Variants in ADAMTS6 observed in about 807,000 individuals in gnomAD.
ADAMTS6 encodes the protein A disintegrin and metalloproteinase with thrombospondin motifs 6.
ADAMTS6 carries 23 observed loss-of-function variants against 144.3 expected under a neutral mutation model. The ratio of observed to expected loss-of-function variants is 0.16; its 90% CI spans 0.11 to 0.23. ADAMTS6 has a LOEUF of 0.23. Ranked by LOEUF, ADAMTS6 falls within the 10% of genes least tolerant of loss-of-function variation. ADAMTS6 has a pLI of 1.00. For missense variants in ADAMTS6, 999 were observed against 1,379.6 expected, an observed-to-expected ratio of 0.72 and a Z score of 4.37; for synonymous variants, 444 against 457.5, an observed-to-expected ratio of 0.97 and a Z score of 0.38.
At chr5:65,371,002 C>A (rs1173222811) in intron 7 of ADAMTS6, among the ~76,000 whole-genome samples, 1 of 152,212 alleles carries the variant, frequency 6.6e-6, no homozygotes, top group Non-Finnish European at 1.5e-5. Context: ...AGGCACCCCC[C>A]AGCAGGGGCA....
intron 7 of ADAMTS6, among the ~76,000 whole-genome samples, chr5:65,425,989 G>A (rs1756485603): frequency 6.6e-6 from 1 of 150,916 alleles, no homozygotes; most frequent in African/African-American, 2.4e-5. Flanking sequence ...CTGACCTCGT[G>A]ATCCGCCCGC....
intron 15 of ADAMTS6, among the ~76,000 whole-genome samples, chr5:65,240,247 G>A (rs944909169): frequency 1.3e-5 from 2 of 152,048 alleles, no homozygotes; most frequent in African/African-American, 4.8e-5. Context: ...TGGGCTTACA[G>A]GTGTCTGCTA....
chr5:65,251,228 T>C (rs1386140142), intron 14 of ADAMTS6: 2 of 152,282 alleles, frequency 1.3e-5, no homozygotes, highest in Non-Finnish European at 2.9e-5. Context: ...CAGAAAATCA[T>C]GTTAGTTTCT....
chr5:65,188,499 T>C (rs1436078310), intron 21 of ADAMTS6, among the ~76,000 whole-genome samples: 4 of 152,200 alleles, frequency 2.6e-5, no homozygotes, highest in East Asian at 3.9e-4. Context: ...AAAATGAGGA[T>C]AACAATGATC....
chr5:65,234,872 G>A (rs1758549896), intron 15 of ADAMTS6, among the ~76,000 whole-genome samples: 1 of 152,142 alleles, frequency 6.6e-6, no homozygotes, highest in South Asian at 2.1e-4. Flanking sequence ...TCTGTCAACA[G>A]ATGAATGGAT....
intron 9 of ADAMTS6, among the ~76,000 whole-genome samples, chr5:65,318,890 T>C (rs185364231): frequency 1.4e-4 from 21 of 152,290 alleles, no homozygotes; most frequent in Admixed American, 1.0e-3. Flanking sequence ...ATAATTGGAT[T>C]ATTTGTAATA....
chr5:65,284,957 T>C (rs1763251417), intron 11 of ADAMTS6, among the ~76,000 whole-genome samples: 1 of 152,210 alleles, frequency 6.6e-6, no homozygotes, highest in African/African-American at 2.4e-5. Context: ...ATAAATTCTA[T>C]ATTTACCTAT....
chr5:65,305,811 T>TGGACACACACAC (rs1743887294), intron 9 of ADAMTS6, among the ~76,000 whole-genome samples: 1 of 151,288 alleles, frequency 6.6e-6, no homozygotes, highest in Admixed American at 6.6e-5. Context: ...TATGCACACA[T>TGGACACACACAC]GGACACACAC....
At chr5:65,238,870 G>A (rs1288558821) in intron 15 of ADAMTS6, among the ~76,000 whole-genome samples, 1 of 152,124 alleles carries the variant, frequency 6.6e-6, no homozygotes, top group Non-Finnish European at 1.5e-5. Flanking sequence ...TCCCTCAATT[G>A]ATCTATAGAT....
intron 7 of ADAMTS6, among the ~76,000 whole-genome samples, chr5:65,419,344 A>G (rs1448108696): frequency 6.6e-6 from 1 of 152,178 alleles, no homozygotes; most frequent in African/African-American, 2.4e-5. Context: ...GGAGCTAAAT[A>G]TTGGGTATTT....
At chr5:65,196,294 T>C (rs1223044935) in intron 21 of ADAMTS6, among the ~76,000 whole-genome samples, 1 of 152,072 alleles carries the variant, frequency 6.6e-6, no homozygotes, top group Non-Finnish European at 1.5e-5. Context: ...CCCAGCACTT[T>C]GGGAGGCCGA....
At chr5:65,295,808 A>G (rs150242959) in intron 10 of ADAMTS6, among the ~76,000 whole-genome samples, 1 of 152,220 alleles carries the variant, frequency 6.6e-6, no homozygotes, top group South Asian at 2.1e-4. Context: ...ACAGTAAATC[A>G]AAGTATATTT....
intron 7 of ADAMTS6, among the ~76,000 whole-genome samples, chr5:65,412,757 C>T (rs112593123): frequency 0.011 from 1,659 of 152,062 alleles, 23 homozygotes; most frequent in African/African-American, 0.038. Flanking sequence ...CAACTAAAAA[C>T]AAAATAAATG....
intron 7 of ADAMTS6, among the ~76,000 whole-genome samples, chr5:65,353,283 A>G (rs1291671370): frequency 6.6e-6 from 1 of 152,000 alleles, no homozygotes; most frequent in Non-Finnish European, 1.5e-5. Flanking sequence ...CAAAAAGGTT[A>G]TTTTCATTCT....
chr5:65,356,669 A>G (rs1040697255), intron 7 of ADAMTS6, among the ~76,000 whole-genome samples: 2 of 151,822 alleles, frequency 1.3e-5, no homozygotes, highest in Non-Finnish European at 2.9e-5. Context: ...CCCTCTGCGT[A>G]TGTCTCTTCA....
chr5:65,351,048 T>G lies in ADAMTS6; in HGVS notation c.1074-16963A>C, dbSNP rs1210882640. 2.0e-5 allele frequency among the ~76,000 whole-genome samples: 3 copies of G among 152,248 alleles called. No homozygotes were observed. In the South Asian group the frequency reaches 6.2e-4, roughly 31 times the overall value. On this transcript the variant is annotated intron_variant, in intron 7 of 24. Coordinates refer to ENST00000381055, the MANE Select transcript of ADAMTS6 (RefSeq NM_197941.4). Reference sequence around the variant, plus strand: ...GTTTGTCTCCTACTATATTTCATAATTCTAATTTCAAATCAATATTCTAAT... The same window carrying G: ...GTTTGTCTCCTACTATATTTCATAAGTCTAATTTCAAATCAATATTCTAAT...
At chr5:65,163,121 C>A (rs568232743) in intron 24 of ADAMTS6, among the ~76,000 whole-genome samples, 2 of 152,084 alleles carry the variant, frequency 1.3e-5, no homozygotes, top group African/African-American at 4.8e-5. Context: ...TGCTGCCCAG[C>A]ATGGTCTTGA....
At chr5:65,167,577 C>G (rs1443258779) in intron 24 of ADAMTS6, among the ~76,000 whole-genome samples, 1 of 137,284 alleles carries the variant, frequency 7.3e-6, no homozygotes, top group Admixed American at 7.4e-5. Flanking sequence ...AGAGACACAA[C>G]CAAAAAAGAG....
In ADAMTS6 at chr5:65,415,465, G is replaced by T. The variant is rs917101840; in HGVS notation, c.1073+36010C>A. ...ATCTGAGGCCAAGGTCATGGCCATG[G>T]TCAGGGCCAGGGCTGAAGCCACGGA... On this transcript the variant is annotated intron_variant, in intron 7 of 24. Coordinates refer to ENST00000381055, the MANE Select transcript of ADAMTS6 (RefSeq NM_197941.4). 45 of 187,344 alleles carry T rather than the reference G, an allele frequency of 2.4e-4. 1 individual carries two copies. The highest frequency in any genetic ancestry group is 4.3e-4 in the Non-Finnish European group (38 of 88,986). The allele number at this position is 187,344 out of a possible 1,614,324, so 11.6% of individuals were successfully genotyped here.
Sources: gnomAD v4.1 joint callset for allele counts (sites outside exome capture counted in the v4.1 genomes callset) on GRCh38, gnomAD v4.1.1 for gene constraint, MANE v1.5 for transcripts, NCBI Gene and HGNC (gene_info 2026-07-23, HGNC 2026-07-21) for gene names.